Variants in ATP8A2 observed in about 807,000 individuals in gnomAD.
ATP8A2 encodes the protein ATPase phospholipid transporting 8A2.
ATP8A2 carries 100 observed loss-of-function variants against 165.6 expected under a neutral mutation model. The observed-to-expected ratio is 0.60, with a 90% CI of 0.51 to 0.71. ATP8A2 has a LOEUF of 0.71. Ranked by LOEUF, ATP8A2 falls within the 30% of genes least tolerant of loss-of-function variation. The pLI, the probability that ATP8A2 is intolerant of heterozygous loss-of-function variation, is 0.00. For synonymous variants in ATP8A2, 543 were observed against 548.8 expected, an observed-to-expected ratio of 0.99 and a Z score of 0.15; for missense variants, 1,227 against 1,479.5, an observed-to-expected ratio of 0.83 and a Z score of 2.80.
At chr13:25,979,174 A>G (rs1176075428) in intron 35 of ATP8A2, among the ~76,000 whole-genome samples, 2 of 152,216 alleles carry the variant, frequency 1.3e-5, no homozygotes, top group Admixed American at 6.5e-5. Flanking sequence ...GGTGAATGAC[A>G]TCATTGGCCT....
At chr13:25,819,923 G>C (rs1407258959) in intron 27 of ATP8A2, among the ~76,000 whole-genome samples, 3 of 152,182 alleles carry the variant, frequency 2.0e-5, no homozygotes, top group Non-Finnish European at 4.4e-5. Flanking sequence ...AGTAGATCGT[G>C]ATGTTATTGC....
At chr13:25,532,415 A>C (rs1230172092) in intron 5 of ATP8A2, 98 bp downstream of exon 5, 1 of 759,206 alleles carries the variant, frequency 1.3e-6, no homozygotes, top group African/African-American at 1.8e-5. Flanking sequence ...TATTGAGATA[A>C]ATTGGGAAGA....
intron 35 of ATP8A2, among the ~76,000 whole-genome samples, chr13:26,002,849 TGTG>T (rs1956661056): frequency 1.2e-4 from 1 of 8,398 alleles, no homozygotes; most frequent in Admixed American, 2.2e-3. Flanking sequence ...AGTATTCCAC[TGTG>T]TGTGTGTGTG....
At chr13:25,737,926 C>T (rs4770872) in intron 25 of ATP8A2, among the ~76,000 whole-genome samples, 76 of 152,230 alleles carry the variant, frequency 5.0e-4, no homozygotes, top group Middle Eastern at 3.4e-3. Context: ...CCTCGTGATC[C>T]GCCCCTCTCG....
At chr13:25,692,292 A>C (rs542079334) in intron 24 of ATP8A2, among the ~76,000 whole-genome samples, 1 of 152,314 alleles carries the variant, frequency 6.6e-6, no homozygotes, top group Admixed American at 6.5e-5. Context: ...GCTGCTAGTG[A>C]AACCTGAACC....
intron 35 of ATP8A2, among the ~76,000 whole-genome samples, chr13:25,969,707 GTATT>G (rs76364712): frequency 0.15 from 22,561 of 152,086 alleles, 1,937 homozygotes; most frequent in African/African-American, 0.23. Flanking sequence ...TTGTGGTTTT[GTATT>G]TATTTATGAG....
rs926398348 is a variant in ATP8A2, at chr13:25,533,251, A to G, written c.467-22A>G. 5 of 1,356,402 alleles carry G rather than the reference A, an allele frequency of 3.7e-6. No homozygotes were observed. The African/African-American group carries it at 5.8e-5, about 16-fold the overall frequency. 84.0% of individuals were successfully genotyped at this position (1,356,402 alleles called of 1,614,324 possible). A position where few individuals can be genotyped will look rare whatever the true frequency, so the allele number is the denominator to read the frequency against. ...CAATTTAACACCAGTATTAACCAATATTTTATTTTTCTCTTTTTCAGTGTT... is the reference window on the plus strand; with the variant it reads ...CAATTTAACACCAGTATTAACCAATGTTTTATTTTTCTCTTTTTCAGTGTT... On this transcript the variant is annotated intron_variant, in intron 5 of 36. Coordinates refer to ENST00000381655, the MANE Select transcript of ATP8A2 (RefSeq NM_016529.6).
chr13:25,683,320 G>A (rs1016865500), intron 24 of ATP8A2, among the ~76,000 whole-genome samples: 6 of 152,174 alleles, frequency 3.9e-5, no homozygotes, highest in African/African-American at 1.4e-4. Context: ...CACTGTCCCT[G>A]TGGACTGCAG....
At chr13:25,589,838 ATATT>A (rs576487374) in intron 24 of ATP8A2, 139 bp downstream of exon 24, 9 of 551,542 alleles carry the variant, frequency 1.6e-5, no homozygotes, top group Non-Finnish European at 2.9e-5. Flanking sequence ...GTTTATATTT[ATATT>A]TAAGAATGGA....
intron 27 of ATP8A2, among the ~76,000 whole-genome samples, chr13:25,809,773 A>T (rs1263186554): frequency 1.3e-5 from 2 of 152,096 alleles, no homozygotes; most frequent in Non-Finnish European, 2.9e-5. Flanking sequence ...GGAGACAAGG[A>T]TCCTATCTGT....
At chr13:25,969,140 G>C (rs940409154) in intron 35 of ATP8A2, among the ~76,000 whole-genome samples, 1 of 152,134 alleles carries the variant, frequency 6.6e-6, no homozygotes. Flanking sequence ...TCTAAATGGG[G>C]GAGTAGTTTT....
At chr13:25,753,078 G>A (rs1412574099) in intron 25 of ATP8A2, among the ~76,000 whole-genome samples, 1 of 152,146 alleles carries the variant, frequency 6.6e-6, no homozygotes, top group African/African-American at 2.4e-5. Context: ...CAGCAAGCTG[G>A]GCCCTTAAGC....
chr13:26,003,672 T>G (rs1055090263), intron 35 of ATP8A2, among the ~76,000 whole-genome samples: 7 of 152,200 alleles, frequency 4.6e-5, no homozygotes, highest in Admixed American at 2.6e-4. Context: ...TATAAGTCTT[T>G]AATTCATTTT....
intron 25 of ATP8A2, among the ~76,000 whole-genome samples, chr13:25,731,569 A>G (rs767736581): frequency 1.3e-5 from 2 of 152,088 alleles, no homozygotes; most frequent in African/African-American, 2.4e-5. Context: ...TTAAATTTTC[A>G]TTTTTCTGGG....
chr13:25,635,447 C>T (rs1001241828), intron 24 of ATP8A2, among the ~76,000 whole-genome samples: 2 of 152,136 alleles, frequency 1.3e-5, no homozygotes, highest in East Asian at 1.9e-4. Context: ...GAGGATGTGA[C>T]GTCTCGAGAC....
At chr13:25,657,331 C>G (rs1216312767) in intron 24 of ATP8A2, among the ~76,000 whole-genome samples, 1 of 152,142 alleles carries the variant, frequency 6.6e-6, no homozygotes, top group Non-Finnish European at 1.5e-5. Flanking sequence ...TCAGTGATCT[C>G]TTCCCTCCTG....
At chr13:25,572,968 C>G (rs763118315) in intron 18 of ATP8A2, among the ~76,000 whole-genome samples, 4 of 152,104 alleles carry the variant, frequency 2.6e-5, no homozygotes, top group Non-Finnish European at 5.9e-5. Flanking sequence ...TCTTCAGTTT[C>G]TTATGGAGTA....
intron 27 of ATP8A2, among the ~76,000 whole-genome samples, chr13:25,795,855 A>C (rs151224101): frequency 6.6e-6 from 1 of 152,070 alleles, no homozygotes; most frequent in Non-Finnish European, 1.5e-5. Context: ...GAGAAGAACC[A>C]TCAAAACTTG....
At chr13:25,981,440 C>T (rs1037458112) in intron 35 of ATP8A2, among the ~76,000 whole-genome samples, 1 of 152,068 alleles carries the variant, frequency 6.6e-6, no homozygotes, top group African/African-American at 2.4e-5. Context: ...TGAATGGACA[C>T]GTAAGAATGC....
Sources: gnomAD v4.1 joint callset for allele counts (sites outside exome capture counted in the v4.1 genomes callset) on GRCh38, gnomAD v4.1.1 for gene constraint, MANE v1.5 for transcripts, NCBI Gene and HGNC (gene_info 2026-07-23, HGNC 2026-07-21) for gene names.